FANCB: variants seen among roughly 807,000 people sequenced by gnomAD.
FANCB encodes the protein FA complementation group B.
FANCB carries 5 observed loss-of-function variants against 38.9 expected under a neutral mutation model. The ratio of observed to expected loss-of-function variants is 0.13; its 90% confidence interval spans 0.07 to 0.27. The LOEUF is 0.27. Ranked by LOEUF, FANCB falls within the 10% of genes least tolerant of loss-of-function variation. FANCB has a pLI of 1.00. For synonymous variants in FANCB, 236 were observed against 215.4 expected, an observed-to-expected ratio of 1.10 and a Z score of -0.84; for missense variants, 573 against 602.7, an observed-to-expected ratio of 0.95 and a Z score of 0.52.
At chrX:14,847,751 G>A (rs1054783856) in intron 7 of FANCB, among the ~76,000 whole-genome samples, 3 of 110,018 alleles carry the variant, frequency 2.7e-5, no homozygotes, top group Admixed American at 9.6e-5. Context: ...AAATAATAAG[G>A]GATCAGAAAT....
chrX:14,759,398 C>T, the FANCB span, among the ~76,000 whole-genome samples: 316 of 111,421 alleles, frequency 2.8e-3, no homozygotes, highest in African/African-American at 9.5e-3. Context: ...GCAAGAAGAT[C>T]ATCACCTAGG....
the FANCB span, among the ~76,000 whole-genome samples, chrX:14,763,123 T>C: frequency 9.0e-6 from 1 of 111,613 alleles, no homozygotes; most frequent in Non-Finnish European, 1.9e-5. Flanking sequence ...TATTTTAGAT[T>C]GCCCCCTCTT....
At chrX:14,827,495 A>G in the FANCB span, among the ~76,000 whole-genome samples, 1 of 111,951 alleles carries the variant, frequency 8.9e-6, no homozygotes, top group African/African-American at 3.2e-5. Context: ...GCTTTCTTAT[A>G]TAGTCTCATT....
At chrX:14,749,397 T>C in the FANCB span, among the ~76,000 whole-genome samples, 2 of 110,634 alleles carry the variant, frequency 1.8e-5, no homozygotes, top group Non-Finnish European at 3.8e-5. Flanking sequence ...GTGCTTAGAG[T>C]ATGCCAAAAC....
At position 14,859,317 on chromosome X, in the gene FANCB, T is replaced by A; in HGVS notation, c.969A>T (p.Glu323Asp). 8.4e-7 allele frequency: 1 copy of A among 1,194,890 alleles called. No homozygotes were observed. Residue 323 changes from glutamate (E) to aspartate (D), a missense_variant, in exon 4 of 10, where the codon GAA becomes GAT. Transcript: ENST00000650831. Reference protein sequence around the residue: ...KESFQVAAKWEKLSLVLIDDF... With the variant: ...KESFQVAAKWDKLSLVLIDDF... ...CATCTATCAGTACTAAGCTAAGTTT[T>A]TCCCATTTAGCAGCAACCTAAAAGA... is the stretch of plus-strand genomic sequence containing the variant.
chrX:14,690,876 G>A, the FANCB span: 2 of 1,205,809 alleles, frequency 1.7e-6, no homozygotes. Flanking sequence ...TTGCCCCTCA[G>A]TTCAGACAAT....
chrX:14,778,863 T>C, the FANCB span, among the ~76,000 whole-genome samples: 1 of 112,324 alleles, frequency 8.9e-6, no homozygotes, highest in African/African-American at 3.2e-5. Flanking sequence ...GTGATAGAAA[T>C]TGAGATTTCT....
chrX:14,845,724 G>A (rs2092374069), intron 7 of FANCB, among the ~76,000 whole-genome samples: 2 of 111,445 alleles, frequency 1.8e-5, no homozygotes, highest in Admixed American at 9.5e-5. Flanking sequence ...TTGGTGATAC[G>A]TTAGAATGCA....
At chrX:14,792,142 A>C in the FANCB span, among the ~76,000 whole-genome samples, 1 of 112,130 alleles carries the variant, frequency 8.9e-6, no homozygotes, top group Non-Finnish European at 1.9e-5. Context: ...CGGGAGCATT[A>C]GTTTTTGCCT....
At chrX:14,792,042 T>A in the FANCB span, among the ~76,000 whole-genome samples, 1 of 112,037 alleles carries the variant, frequency 8.9e-6, no homozygotes, top group South Asian at 3.7e-4. Flanking sequence ...CTAAAAATCT[T>A]ACATTTATAT....
intron 5 of FANCB, among the ~76,000 whole-genome samples, chrX:14,857,531 T>A (rs1010815767): frequency 1.8e-5 from 2 of 111,871 alleles, no homozygotes; most frequent in Non-Finnish European, 3.8e-5. Context: ...GAATGCATTA[T>A]GATTTATCAT....
At chrX:14,731,172 A>C in the FANCB span, 1 of 112,397 alleles carries the variant, frequency 8.9e-6, no homozygotes, top group Non-Finnish European at 1.9e-5. Flanking sequence ...CACCAATGAC[A>C]GAAAAATTTC....
At chrX:14,848,407 C>T (rs773480900) in intron 7 of FANCB, among the ~76,000 whole-genome samples, 15 of 111,432 alleles carry the variant, frequency 1.3e-4, no homozygotes, top group African/African-American at 3.6e-4. Context: ...TATAAATGGA[C>T]GCACAGGGGG....
At chrX:14,850,210 C>T (rs2092394836) in intron 7 of FANCB, among the ~76,000 whole-genome samples, 1 of 110,917 alleles carries the variant, frequency 9.0e-6, no homozygotes. Flanking sequence ...ACTAGCCGGG[C>T]ATGATGGTGC....
chrX:14,749,735 G>C, the FANCB span, among the ~76,000 whole-genome samples: 1 of 111,699 alleles, frequency 9.0e-6, no homozygotes, highest in Admixed American at 9.5e-5. Flanking sequence ...GAGCCAAAAG[G>C]GCAATGAACT....
the FANCB span, among the ~76,000 whole-genome samples, chrX:14,704,717 T>C: frequency 8.9e-6 from 1 of 112,071 alleles, no homozygotes; most frequent in Non-Finnish European, 1.9e-5. Flanking sequence ...CCTGCCTTCT[T>C]AGTTTTCATT....
At chrX:14,734,810 A>C in the FANCB span, among the ~76,000 whole-genome samples, 2 of 110,530 alleles carry the variant, frequency 1.8e-5, no homozygotes, top group African/African-American at 6.6e-5. Context: ...TGATATCCTG[A>C]AGAGTGTTTT....
the FANCB span, among the ~76,000 whole-genome samples, chrX:14,762,630 C>T: frequency 2.7e-5 from 3 of 111,933 alleles, no homozygotes; most frequent in Non-Finnish European, 5.6e-5. Flanking sequence ...AGCAAGCCAC[C>T]GAATCTACCA....
At chrX:14,744,124 G>A in the FANCB span, among the ~76,000 whole-genome samples, 26 of 111,721 alleles carry the variant, frequency 2.3e-4, no homozygotes, top group Non-Finnish European at 4.5e-4. Flanking sequence ...TGGCCCTAGT[G>A]TAAAATACAT....
Sources: gnomAD v4.1 joint callset for allele counts (sites outside exome capture counted in the v4.1 genomes callset) on GRCh38, gnomAD v4.1.1 for gene constraint, MANE v1.5 for transcripts, NCBI Gene and HGNC (gene_info 2026-07-23, HGNC 2026-07-21) for gene names.